ZNF384: variants seen among roughly 807,000 people sequenced by gnomAD.
The protein encoded by ZNF384 is zinc finger protein 384.
Under a neutral mutation model 65.0 loss-of-function variants are expected in ZNF384, and 20 were observed. That is an observed-to-expected ratio of 0.31 (90% CI 0.22 to 0.45). ZNF384 has a LOEUF of 0.45. ZNF384 is among the 20% of genes least tolerant of loss of function. The pLI, the probability that ZNF384 is intolerant of heterozygous loss-of-function variation, is 1.00. For missense variants in ZNF384, 549 were observed against 769.4 expected (o/e 0.71, Z 3.39); for synonymous variants, 310 against 303.9 (o/e 1.02, Z -0.21).
In ZNF384 at chr12:6,673,490, G is replaced by C; in HGVS notation, c.780-50C>G. 6.5e-7 allele frequency: 1 copy of C among 1,548,016 alleles called. No homozygotes were observed. Among genetic ancestry groups the C allele is most frequent in the Non-Finnish European group, 8.9e-7 (1 of 1,129,334 alleles). ...AGAACCCTTCCCATCAAGAAGGTGT[G>C]GCTGAACCCTCCCCTCTACTTCCAA... is the stretch of plus-strand genomic sequence containing the variant. On this transcript the variant is annotated intron_variant, in intron 7 of 11. Transcript: ENST00000683879. The surrounding 1 kb of genome is among the most constrained non-coding windows in gnomAD (Gnocchi z 4.7).
Position 6,678,409 on chromosome 12 carries a change from G to A in ZNF384, c.404C>T (p.Ser135Leu). 1 of 1,608,246 alleles carries A rather than the reference G, an allele frequency of 6.2e-7. No individual in the cohort carries two copies. The highest frequency in any genetic ancestry group is 8.5e-7 in the Non-Finnish European group (1 of 1,177,206). ...CGAAATGGGGAAGGTCTGAGCTGATGATGCTGTGGTCACAAGAGAGCCTGA... is the reference window on the plus strand; with the variant it reads ...CGAAATGGGGAAGGTCTGAGCTGATAATGCTGTGGTCACAAGAGAGCCTGA... ...SPSGSLVTTASSAQTFPISAP... is the reference protein window; with the variant it reads ...SPSGSLVTTALSAQTFPISAP... Residue 135 changes from serine (S) to leucine (L), a missense_variant, in exon 6 of 12, where the codon TCA becomes TTA. Coordinates refer to ENST00000683879, the MANE Select transcript of ZNF384 (RefSeq NM_001385745.1). This position sits in a 1 kb window ranked among gnomAD's most constrained non-coding sequence, Gnocchi z 4.9.
Position 6,672,737 on chromosome 12 carries a change from G to C in ZNF384, c.1005-205C>G, listed in dbSNP as rs1951997404. On this transcript the variant is annotated intron_variant, in intron 8 of 11. Transcript: ENST00000683879. This position sits in a 1 kb window ranked among gnomAD's most constrained non-coding sequence, Gnocchi z 4.4. Reference sequence around the variant, plus strand: ...TGATCGTAAGTCGGTGGCTAGAATGGCAGTGAGATGATGAAGAGCTGCAAC... The same window carrying C: ...TGATCGTAAGTCGGTGGCTAGAATGCCAGTGAGATGATGAAGAGCTGCAAC... 6.6e-6 allele frequency among the ~76,000 whole-genome samples: 1 copy of C among 152,142 alleles called. No individual in the cohort carries two copies. Among genetic ancestry groups the C allele is most frequent in the Non-Finnish European group, 1.5e-5 (1 of 68,008 alleles).
At chr12:6,675,438 C>T (rs371799556) in intron 7 of ZNF384, among the ~76,000 whole-genome samples, 1 of 152,264 alleles carries the variant, frequency 6.6e-6, no homozygotes, top group South Asian at 2.1e-4. Flanking sequence ...TTCTTAACAC[C>T]AGAGGTATTC....
At chr12:6,688,436 A>C (rs1958751660) in intron 1 of ZNF384, 1 of 152,306 alleles carries the variant, frequency 6.6e-6, no homozygotes, top group Non-Finnish European at 1.5e-5. Context: ...CCCAGAAACT[A>C]AGACGAATTC....
rs1056950112 is a variant in ZNF384 at position 6,673,562 on chromosome 12, G to A, written c.780-122C>T. ...TCTCTCCTACTCCAACTTGAGAGTA[G>A]AGCTCTATATATTCATCTTTATGGC... On this transcript the variant is annotated intron_variant, in intron 7 of 11. Transcript: ENST00000683879. This position sits in a 1 kb window ranked among gnomAD's most constrained non-coding sequence, Gnocchi z 4.7. 2 of 723,724 alleles carry A rather than the reference G, an allele frequency of 2.8e-6. No homozygotes were observed. Among genetic ancestry groups the A allele is most frequent in the African/African-American group, 1.8e-5 (1 of 55,978 alleles). The allele number at this position is 723,724 out of a possible 1,614,324, so 44.8% of individuals were successfully genotyped here.
At chr12:6,670,690 G>A in intron 10 of ZNF384, 70 bp downstream of exon 10, 1 of 1,459,516 alleles carries the variant, frequency 6.9e-7, no homozygotes, top group Non-Finnish European at 9.6e-7. Context: ...AAACATTTGA[G>A]AACCACGATA....
Position 6,669,205 on chromosome 12 carries a change from G to T in ZNF384, c.1267-16C>A. 1 of 1,597,988 alleles carries T rather than the reference G, an allele frequency of 6.3e-7. No homozygotes were observed. Among genetic ancestry groups the T allele is most frequent in the South Asian group, 1.1e-5 (1 of 89,454 alleles). The stretch of plus-strand genomic sequence containing the variant: ...GTCTGTGGGACTGAGAAAATTGGGA[G>T]AAACCAGAATGAATACATTGTACTC... On this transcript the variant is annotated splice_polypyrimidine_tract_variant and intron_variant, in intron 10 of 11. Coordinates refer to ENST00000683879, the MANE Select transcript of ZNF384 (RefSeq NM_001385745.1).
rs1218420067 is a variant in ZNF384, at chr12:6,677,169, A to G, written c.777T>C (p.Pro259=). 2 of 1,009,188 alleles carry G rather than the reference A, an allele frequency of 2.0e-6. No homozygotes were observed. Among genetic ancestry groups the G allele is most frequent in the Admixed American group, 4.6e-5 (2 of 43,204 alleles). The allele number at this position is 1,009,188 out of a possible 1,614,324, so 62.5% of individuals were successfully genotyped here. Residue 259 remains proline, a splice_region_variant and synonymous_variant, in exon 7 of 12, where the codon CCT becomes CCC. Coordinates refer to ENST00000683879, the MANE Select transcript of ZNF384 (RefSeq NM_001385745.1). ...CCAGAGAGGGGAAAAGGACTTGCCC[A>G]GGGTCACACAGCAAATTCGTGGTGG... The part of the protein sequence containing the change: ...PGSTTNLLCD[P]GCRMCSLTFY...
In ZNF384 at chr12:6,678,751, A is replaced by G; in HGVS notation, c.305-41T>C. On this transcript the variant is annotated intron_variant, in intron 4 of 11. Coordinates refer to ENST00000683879, the MANE Select transcript of ZNF384 (RefSeq NM_001385745.1). The surrounding 1 kb of genome is among the most constrained non-coding windows in gnomAD (Gnocchi z 4.9). The stretch of plus-strand genomic sequence containing the variant: ...GAAAGAATGTCACCTCCTCAAAGGC[A>G]GGGACCGCATCTTCTACTTCTTTGT... The G allele has an allele frequency of 6.2e-7, 1 of 1,608,174 alleles. No individual in the cohort carries two copies. The highest frequency in any genetic ancestry group is 1.1e-5 in the South Asian group (1 of 90,922).
chr12:6,679,279 G>A (rs1954960496), intron 3 of ZNF384, 96 bp from the exon 4 acceptor site: 1 of 1,273,180 alleles, frequency 7.9e-7, no homozygotes, highest in East Asian at 2.3e-5. Flanking sequence ...CCTCCTTAGG[G>A]ATCAAGGATG....
chr12:6,684,316 G>A (rs1377295163), intron 2 of ZNF384, among the ~76,000 whole-genome samples: 3 of 151,774 alleles, frequency 2.0e-5, no homozygotes, highest in African/African-American at 7.3e-5. Flanking sequence ...GTTATGGCTT[G>A]ATCCAGGAAA....
At position 6,673,272 on chromosome 12, in the gene ZNF384, A is replaced by G. The variant is rs751411822; in HGVS notation, c.948T>C (p.Ser316=). The part of the protein sequence containing the change: ...IRIHSGAKPY[S]CNFCEKSFRQ... ...GGAAGGATTTCTCACAGAAGTTACA[A>G]CTGTAGGGCTTAGCCCCTGAGTGTA... The change falls in exon 8 of 12, where the codon AGT becomes AGC. Residue 316 remains serine (S), a synonymous_variant. Transcript: ENST00000683879. This position sits in a 1 kb window ranked among gnomAD's most constrained non-coding sequence, Gnocchi z 4.7. 2.5e-5 allele frequency: 40 copies of G among 1,613,908 alleles called. No homozygotes were observed. In the East Asian group the frequency reaches 7.1e-4, roughly 29 times the overall value.
rs754854128 is a variant in ZNF384 at position 6,679,100 on chromosome 12, G to A, written c.150C>T (p.Pro50=). 3.7e-6 allele frequency: 6 copies of A among 1,613,814 alleles called. No homozygotes were observed. Among genetic ancestry groups the A allele is most frequent in the Admixed American group, 3.3e-5 (2 of 59,994 alleles). The change falls in exon 4 of 12, where the codon CCC becomes CCT. Residue 50 remains proline, a synonymous_variant. Coordinates refer to ENST00000683879, the MANE Select transcript of ZNF384 (RefSeq NM_001385745.1). ...KGCGLAPPHY[P]TLLTVPASVS... ...CTGAGGCAGGCACTGTCAGCAAGGT[G>A]GGGTAGTGAGGTGGGGCCAGACCAC...
At position 6,678,558 on chromosome 12, in the gene ZNF384, C is replaced by A. The variant is rs1324256641; in HGVS notation, c.353-98G>T. 21 of 1,520,182 alleles carry A rather than the reference C, an allele frequency of 1.4e-5. No individual in the cohort carries two copies. Among genetic ancestry groups the A allele is most frequent in the Non-Finnish European group, 1.9e-5 (21 of 1,106,556 alleles). 94.2% of individuals were successfully genotyped at this position (1,520,182 alleles called of 1,614,324 possible). On this transcript the variant is annotated intron_variant, in intron 5 of 11. Transcript: ENST00000683879. The surrounding 1 kb of genome is among the most constrained non-coding windows in gnomAD (Gnocchi z 4.9). ...GATCATTGTCTAATTAACCCCTCACCCCCCCGCCGACCCAACCCAGAGTAC... is the reference window on the plus strand; with the variant it reads ...GATCATTGTCTAATTAACCCCTCACACCCCCGCCGACCCAACCCAGAGTAC...
chr12:6,673,459 A>T lies in ZNF384; in HGVS notation c.780-19T>A, dbSNP rs770132533. ...CCGGCACCTGAGCCAAGTGAGGGCA[A>T]TGGTTAGAACCCTTCCCATCAAGAA... On this transcript the variant is annotated intron_variant, in intron 7 of 11. Transcript: ENST00000683879. The surrounding 1 kb of genome is among the most constrained non-coding windows in gnomAD (Gnocchi z 4.7). The T allele has an allele frequency of 6.2e-7, 1 of 1,610,518 alleles. No individual in the cohort carries two copies. The highest frequency in any genetic ancestry group is 1.3e-5 in the African/African-American group (1 of 74,800).
chr12:6,686,736 A>ATGAAATG (rs547560704), intron 2 of ZNF384, among the ~76,000 whole-genome samples: 324 of 152,342 alleles, frequency 2.1e-3, no homozygotes, highest in Admixed American at 3.9e-3. Context: ...AAGAGAAAGA[A>ATGAAATG]TGAAATGCCC....
chr12:6,672,203 T>C lies in ZNF384; in HGVS notation c.1187+147A>G. On this transcript the variant is annotated intron_variant, in intron 9 of 11. Transcript: ENST00000683879. This position sits in a 1 kb window ranked among gnomAD's most constrained non-coding sequence, Gnocchi z 4.4. ...CACTTGAATCTCCAGTGTTGTTTGG[T>C]CTTCCTTCTCCCAGATGCCAGCCAG... is the stretch of plus-strand genomic sequence containing the variant. The C allele has an allele frequency of 1.2e-6, 1 of 815,878 alleles. No individual in the cohort carries two copies. The highest frequency in any genetic ancestry group is 1.9e-6 in the Non-Finnish European group (1 of 532,278). 50.5% of individuals were successfully genotyped at this position (815,878 alleles called of 1,614,324 possible).
At chr12:6,683,481 C>T (rs1357586637) in intron 2 of ZNF384, among the ~76,000 whole-genome samples, 1 of 149,164 alleles carries the variant, frequency 6.7e-6, no homozygotes, top group Non-Finnish European at 1.5e-5. Context: ...AGTTCAAGAT[C>T]ACCCTGGCCA....
At chr12:6,669,422 A>G (rs1950638137) in intron 10 of ZNF384, among the ~76,000 whole-genome samples, 1 of 152,082 alleles carries the variant, frequency 6.6e-6, no homozygotes, top group South Asian at 2.1e-4. Flanking sequence ...TCACCAGTCC[A>G]GTGGTTCTTA....
Sources: allele counts gnomAD v4.1 joint callset (sites outside exome capture counted in the v4.1 genomes callset), GRCh38; gene constraint gnomAD v4.1.1; non-coding constraint Gnocchi (gnomAD v3.1); transcripts MANE v1.5; gene names NCBI Gene and HGNC (gene_info 2026-07-23, HGNC 2026-07-21).